The following ITPR2 variants were observed in gnomAD, a reference collection of about 807,000 sequenced individuals.
ITPR2 encodes the protein inositol 1,4,5-trisphosphate-gated calcium channel ITPR2.
In ITPR2, 207 loss-of-function variants were observed where a neutral mutation model predicts 317.1. The observed-to-expected ratio is 0.65, with a 90% CI of 0.58 to 0.73. The LOEUF is 0.73. Among genes scored for constraint, ITPR2 ranks in the 30% least tolerant of loss-of-function variants. The probability of loss-of-function intolerance (pLI) is 0.00; values close to 1 mark genes in which losing one functional copy is unlikely to be tolerated. For synonymous variants in ITPR2, 1,156 were observed against 1,149.1 expected (o/e 1.01, Z -0.12); for missense variants, 2,613 against 3,284.0 (o/e 0.80, Z 4.99).
intron 26 of ITPR2, among the ~76,000 whole-genome samples, chr12:26,604,018 A>G (rs1188177009): frequency 2.0e-5 from 3 of 152,188 alleles, no homozygotes; most frequent in Non-Finnish European, 4.4e-5. Context: ...AGGGGACCCT[A>G]GTTTAAGCTC....
At chr12:26,621,022 G>A (rs1946479860) in intron 26 of ITPR2, 101 bp downstream of exon 26, 2 of 1,132,118 alleles carry the variant, frequency 1.8e-6, no homozygotes, top group Non-Finnish European at 2.5e-6. Flanking sequence ...GCTCAGAACA[G>A]AATTTTTCTT....
At chr12:26,652,130 T>G (rs1167980176) in intron 21 of ITPR2, among the ~76,000 whole-genome samples, 1 of 152,196 alleles carries the variant, frequency 6.6e-6, no homozygotes, top group Non-Finnish European at 1.5e-5. Flanking sequence ...TCATTCCCTT[T>G]GCACACGATC....
chr12:26,543,638 A>G (rs903338896), intron 37 of ITPR2, among the ~76,000 whole-genome samples: 1 of 152,038 alleles, frequency 6.6e-6, no homozygotes, highest in Non-Finnish European at 1.5e-5. Flanking sequence ...GCTGGGTGGC[A>G]GGTGCCTGTA....
chr12:26,669,661 G>A (rs541816348), intron 13 of ITPR2, among the ~76,000 whole-genome samples: 7 of 152,328 alleles, frequency 4.6e-5, no homozygotes, highest in South Asian at 2.1e-4. Context: ...CTGAGGTACC[G>A]GGTTCATCTC....
At chr12:26,626,838 A>G (rs963339096) in intron 23 of ITPR2, among the ~76,000 whole-genome samples, 3 of 152,228 alleles carry the variant, frequency 2.0e-5, no homozygotes, top group Non-Finnish European at 2.9e-5. Flanking sequence ...TGGCAGTTAG[A>G]AGGAAGTTTC....
intron 9 of ITPR2, among the ~76,000 whole-genome samples, chr12:26,706,398 G>A (rs1948552811): frequency 6.6e-6 from 1 of 151,856 alleles, no homozygotes; most frequent in Non-Finnish European, 1.5e-5. Flanking sequence ...CTACACTTCT[G>A]GCCCCATCGC....
intron 5 of ITPR2, chr12:26,721,352 T>C (rs772963679): frequency 3.3e-6 from 2 of 611,120 alleles, no homozygotes; most frequent in South Asian, 4.0e-5. Context: ...CCTGTGGAAT[T>C]GAATTTGTAT....
At position 26,428,066 on chromosome 12, in the gene ITPR2, C is replaced by T. The variant is rs1437573776; in HGVS notation, c.6792G>A (p.Ser2264=). ...GDEGTLSPLF[S]VLLWIAVAIC... is the part of the protein sequence containing the mutation. The stretch of plus-strand genomic sequence containing the variant: ...TCGCAACTGCTATCCAAAGAAGAAC[C>T]GAGAACAATGGAGAAAGTGTACCTG... Residue 2264 remains serine, a synonymous_variant, in exon 49 of 57, where the codon TCG becomes TCA. Coordinates refer to ENST00000381340, the MANE Select transcript of ITPR2 (RefSeq NM_002223.4). 1.0e-5 allele frequency: 16 copies of T among 1,601,692 alleles called. No homozygotes were observed. Among genetic ancestry groups the T allele is most frequent in the East Asian group, 6.7e-5 (3 of 44,512 alleles).
intron 45 of ITPR2, among the ~76,000 whole-genome samples, chr12:26,463,778 C>T (rs7958903): frequency 0.072 from 10,885 of 151,988 alleles, 708 homozygotes; most frequent in African/African-American, 0.17. Context: ...AATATTTATA[C>T]GTAATTAGTC....
At chr12:26,535,679 T>C (rs1423539661) in intron 37 of ITPR2, among the ~76,000 whole-genome samples, 3 of 152,220 alleles carry the variant, frequency 2.0e-5, no homozygotes, top group Non-Finnish European at 4.4e-5. Flanking sequence ...ATGGAATAAA[T>C]TTAGTTGAGC....
intron 2 of ITPR2, among the ~76,000 whole-genome samples, chr12:26,782,037 T>TATATATAG (rs1950102369): frequency 7.7e-5 from 4 of 51,736 alleles, no homozygotes; most frequent in Non-Finnish European, 1.2e-4. Context: ...TATATATGTA[T>TATATATAG]AGAGAGAGAG....
intron 37 of ITPR2, among the ~76,000 whole-genome samples, chr12:26,526,881 G>A (rs758699055): frequency 6.6e-6 from 1 of 152,190 alleles, no homozygotes; most frequent in Non-Finnish European, 1.5e-5. Flanking sequence ...AAATTTTGGT[G>A]AGCAGCTTGG....
chr12:26,533,746 G>A (rs1381479439), intron 37 of ITPR2, among the ~76,000 whole-genome samples: 1 of 152,020 alleles, frequency 6.6e-6, no homozygotes, highest in Non-Finnish European at 1.5e-5. Flanking sequence ...GAAACACCTG[G>A]GACAGTTCCT....
chr12:26,600,029 T>G lies in ITPR2; in HGVS notation c.3759A>C (p.Gln1253His), dbSNP rs185780611. The G allele has an allele frequency of 6.2e-7, 1 of 1,607,164 alleles. No individual in the cohort carries two copies. Among genetic ancestry groups the G allele is most frequent in the Non-Finnish European group, 8.5e-7 (1 of 1,174,072 alleles). Reference protein sequence around the residue: ...QNFCRGNPQNQVLLHKHLNLF... With the variant: ...QNFCRGNPQNHVLLHKHLNLF... ...AATTCAGATGTTTATGAAGAAGAAC[T>G]TGATTCTGTGGATTTCCTCGACAGA... Residue 1253 changes from glutamine to histidine, a missense_variant, in exon 29 of 57, where the codon CAA (glutamine) becomes CAC (histidine). Transcript: ENST00000381340.
At position 26,357,588 on chromosome 12, in the gene ITPR2, C is replaced by T. The variant is rs906105261; in HGVS notation, c.7858-17260G>A. 5.9e-5 allele frequency among the ~76,000 whole-genome samples: 9 copies of T among 152,210 alleles called. 1 individual carries two copies. The highest frequency in any genetic ancestry group is 2.0e-4 in the Admixed American group (3 of 15,272). ...ATTGACCAAAGAGGGTTGCGGGAAC[C>T]GCCAGATTTATATCCAGCCTGTCAT... On this transcript the variant is annotated intron_variant, in intron 55 of 56. Coordinates refer to ENST00000381340, the MANE Select transcript of ITPR2 (RefSeq NM_002223.4).
chr12:26,626,062 A>G (rs1946616729), intron 23 of ITPR2, among the ~76,000 whole-genome samples: 1 of 152,194 alleles, frequency 6.6e-6, no homozygotes, highest in South Asian at 2.1e-4. Context: ...TCCAGGCTCA[A>G]GCAATCCTCC....
chr12:26,556,676 C>T (rs989166708), intron 35 of ITPR2, among the ~76,000 whole-genome samples: 1 of 150,166 alleles, frequency 6.7e-6, no homozygotes, highest in Non-Finnish European at 1.5e-5. Flanking sequence ...GTCAGTTAAG[C>T]CACTGTATGT....
rs767554103 is a variant in ITPR2 at position 26,655,761 on chromosome 12, C to T, written c.2536G>A (p.Val846Ile). 3 of 1,613,002 alleles carry T rather than the reference C, an allele frequency of 1.9e-6. No homozygotes were observed. The highest frequency in any genetic ancestry group is 2.2e-5 in the South Asian group (2 of 91,072). ...TCCCCAAAAGGAAAGGGCTGGTTTA[C>T]AACTTCTTTCAAATATTCTTCAACA... ...EFVEEYLKEV[V>I]NQPFPFGDKE... The change falls in exon 20 of 57, where the codon GTA becomes ATA. Residue 846 changes from valine to isoleucine, a missense_variant. By Grantham distance (29) the Val-to-Ile change is conservative (BLOSUM62 3). This residue lies in a region of ITPR2 where 817 missense variants were observed against 897.6 expected (regional missense o/e 0.91). Coordinates refer to ENST00000381340, the MANE Select transcript of ITPR2 (RefSeq NM_002223.4).
chr12:26,695,738 TCCTCAACTAAG>T, intron 9 of ITPR2, 88 bp from the exon 10 acceptor site: 3 of 805,798 alleles, frequency 3.7e-6, no homozygotes, highest in Non-Finnish European at 6.3e-6. Flanking sequence ...TAATATTCTA[TCCTCAACTAAG>T]TTTAATATAA....
Sources: allele counts gnomAD v4.1 joint callset (sites outside exome capture counted in the v4.1 genomes callset), GRCh38; gene constraint gnomAD v4.1.1; regional missense constraint gnomAD v4.1.1; transcripts MANE v1.5; gene names NCBI Gene and HGNC (gene_info 2026-07-23, HGNC 2026-07-21).